The following PRIM2 variants were observed in gnomAD, a reference collection of about 807,000 sequenced individuals.
PRIM2 encodes the protein DNA primase subunit 2.
A neutral mutation model predicts 67.3 loss-of-function variants in PRIM2; 39 were observed. The ratio of observed to expected loss-of-function variants is 0.58; its 90% confidence interval spans 0.45 to 0.76. The LOEUF (loss-of-function observed/expected upper bound fraction) is 0.76. Among genes scored for constraint, PRIM2 ranks in the 30% least tolerant of loss-of-function variants. The pLI is 0.00. For synonymous variants in PRIM2, 143 were observed against 198.7 expected (o/e 0.72, Z 2.36); for missense variants, 398 against 598.7 (o/e 0.66, Z 3.50).
At chr6:57,466,497 T>C (rs1375232866) in intron 7 of PRIM2, among the ~76,000 whole-genome samples, 1 of 152,212 alleles carries the variant, frequency 6.6e-6, no homozygotes, top group African/African-American at 2.4e-5. Context: ...TTTCCTGACT[T>C]TTTAAGGATT....
intron 13 of PRIM2, among the ~76,000 whole-genome samples, chr6:57,635,567 C>G (rs1454466632): frequency 6.6e-6 from 1 of 152,178 alleles, no homozygotes; most frequent in Non-Finnish European, 1.5e-5. Flanking sequence ...TCTTTGGACA[C>G]TGAGTAACTG....
the PRIM2 span, among the ~76,000 whole-genome samples, chr6:57,292,191 A>G: frequency 5.4e-3 from 823 of 152,314 alleles, 11 homozygotes; most frequent in Admixed American, 0.012. Flanking sequence ...AAGCATTCCT[A>G]TACACCAATA....
intron 5 of PRIM2, among the ~76,000 whole-genome samples, chr6:57,363,941 C>T (rs1435234304): frequency 1.3e-5 from 2 of 152,004 alleles, no homozygotes; most frequent in Non-Finnish European, 2.9e-5. Context: ...TTGTGTCTTC[C>T]TTCTTTTTGT....
intron 12 of PRIM2, among the ~76,000 whole-genome samples, chr6:57,609,366 A>G (rs1387541032): frequency 3.9e-5 from 6 of 152,210 alleles, no homozygotes; most frequent in Admixed American, 3.3e-4. Context: ...TCTTCCTTGT[A>G]AATAAAGTAA....
intron 7 of PRIM2, among the ~76,000 whole-genome samples, chr6:57,464,986 T>A (rs1773138754): frequency 6.6e-6 from 1 of 152,196 alleles, no homozygotes; most frequent in East Asian, 1.9e-4. Flanking sequence ...AGTATTTACA[T>A]CCTTGGCAAC....
At chr6:57,297,133 AGAG>A in the PRIM2 span, among the ~76,000 whole-genome samples, 1 of 152,184 alleles carries the variant, frequency 6.6e-6, no homozygotes, top group Non-Finnish European at 1.5e-5. Flanking sequence ...ATTCACAAAT[AGAG>A]AAGAAGTGAC....
At chr6:57,281,176 A>C in the PRIM2 span, among the ~76,000 whole-genome samples, 5 of 152,158 alleles carry the variant, frequency 3.3e-5, no homozygotes. Context: ...AATATGTACC[A>C]GTTTTCTTTT....
chr6:57,418,563 A>AT (rs202198401), intron 7 of PRIM2, among the ~76,000 whole-genome samples: 5,994 of 149,964 alleles, frequency 0.04, 388 homozygotes, highest in African/African-American at 0.14. Context: ...CGCCCAGCTA[A>AT]TTTTTTTTTG....
chr6:57,321,317 C>T (rs74329459), intron 3 of PRIM2, among the ~76,000 whole-genome samples: 18,813 of 152,068 alleles, frequency 0.12, 1,310 homozygotes, highest in African/African-American at 0.17. Context: ...TCTTGGAAGA[C>T]GTAGAGTTTA....
the PRIM2 span, among the ~76,000 whole-genome samples, chr6:57,245,237 A>G: frequency 1.3e-5 from 2 of 152,114 alleles, no homozygotes; most frequent in African/African-American, 4.8e-5. Flanking sequence ...GATGACTTCC[A>G]TGCTGCTGTT....
chr6:57,254,574 G>A, the PRIM2 span, among the ~76,000 whole-genome samples: 1 of 152,170 alleles, frequency 6.6e-6, no homozygotes, highest in Non-Finnish European at 1.5e-5. Context: ...TGTAACAAAA[G>A]CCCACCAGGA....
intron 10 of PRIM2, among the ~76,000 whole-genome samples, chr6:57,544,651 T>C (rs1273874684): frequency 2.0e-5 from 3 of 152,230 alleles, no homozygotes; most frequent in Non-Finnish European, 4.4e-5. Context: ...TACCAGATTA[T>C]GTTCTTTTAA....
intron 7 of PRIM2, among the ~76,000 whole-genome samples, chr6:57,492,023 T>C (rs1773903595): frequency 6.6e-6 from 1 of 152,196 alleles, no homozygotes; most frequent in Non-Finnish European, 1.5e-5. Context: ...CGGGCATGTT[T>C]AGGCAAGCCC....
At chr6:57,537,659 G>T in intron 10 of PRIM2, 34 bp downstream of exon 10, 3 of 1,278,920 alleles carry the variant, frequency 2.3e-6, no homozygotes, top group African/African-American at 1.5e-5. Context: ...AGTGGTACCT[G>T]ATATTTTAAT....
chr6:57,433,459 A>G (rs1037543755), intron 7 of PRIM2, among the ~76,000 whole-genome samples: 3 of 139,424 alleles, frequency 2.2e-5, no homozygotes, highest in African/African-American at 8.1e-5. Flanking sequence ...AATAGTGTTG[A>G]AAGACTAGAA....
intron 8 of PRIM2, among the ~76,000 whole-genome samples, chr6:57,520,768 G>GAGTT (rs1774598170): frequency 6.6e-6 from 1 of 152,096 alleles, no homozygotes; most frequent in Admixed American, 6.5e-5. Context: ...ACTTATCTTG[G>GAGTT]AGTTCATTGG....
intron 8 of PRIM2, among the ~76,000 whole-genome samples, chr6:57,524,397 T>C (rs1362833751): frequency 3.3e-5 from 5 of 152,186 alleles, no homozygotes; most frequent in Non-Finnish European, 7.4e-5. Flanking sequence ...ATTGAACAGA[T>C]GCAACCATTA....
the PRIM2 span, chr6:57,221,890 C>T: frequency 2.6e-5 from 4 of 152,466 alleles, no homozygotes; most frequent in East Asian, 7.7e-4. Flanking sequence ...CCTGCCCACT[C>T]CGGAGAGTAA....
intron 12 of PRIM2, among the ~76,000 whole-genome samples, chr6:57,625,310 G>A (rs1459272073): frequency 1.3e-5 from 2 of 152,050 alleles, no homozygotes; most frequent in Non-Finnish European, 2.9e-5. Flanking sequence ...TGGATTCTGG[G>A]GACAAATTAG....
Sources: gnomAD v4.1 joint callset for allele counts (sites outside exome capture counted in the v4.1 genomes callset) on GRCh38, gnomAD v4.1.1 for gene constraint, MANE v1.5 for transcripts, NCBI Gene and HGNC (gene_info 2026-07-23, HGNC 2026-07-21) for gene names.